The following NRG1 variants were observed in gnomAD, a reference collection of about 807,000 sequenced individuals.
NRG1 encodes neuregulin 1, also known as pro-neuregulin-1, membrane-bound isoform.
NRG1 carries 18 observed loss-of-function variants against 63.8 expected under a neutral mutation model. The ratio of observed to expected loss-of-function variants is 0.28; its 90% CI spans 0.19 to 0.42. The LOEUF is 0.42. NRG1 is among the 10% of genes least tolerant of loss of function. The pLI is 1.00. For synonymous variants in NRG1, 302 were observed against 301.3 expected, an observed-to-expected ratio of 1.00 and a Z score of -0.02; for missense variants, 762 against 814.7, an observed-to-expected ratio of 0.94 and a Z score of 0.79.
chr8:32,448,258 A>G (rs555602627), intron 1 of NRG1, among the ~76,000 whole-genome samples: 116 of 152,352 alleles, frequency 7.6e-4, no homozygotes, highest in Middle Eastern at 6.8e-3. Flanking sequence ...AGAAAACAGC[A>G]TAAACCACCA....
intron 1 of NRG1, among the ~76,000 whole-genome samples, chr8:32,259,872 C>T (rs529733000): frequency 4.8e-4 from 73 of 152,286 alleles, no homozygotes; most frequent in African/African-American, 1.7e-3. Flanking sequence ...CTCCTTTTCT[C>T]ATCAGCCTCT....
intron 1 of NRG1, among the ~76,000 whole-genome samples, chr8:32,070,478 T>A (rs184004441): frequency 2.6e-5 from 4 of 152,334 alleles, no homozygotes; most frequent in Admixed American, 2.6e-4. Flanking sequence ...AAATTTAGAC[T>A]CCTAGGAAAA....
chr8:31,904,573 A>C (rs866886961), intron 1 of NRG1, among the ~76,000 whole-genome samples: 1 of 152,224 alleles, frequency 6.6e-6, no homozygotes, highest in Admixed American at 6.5e-5. Flanking sequence ...AGACACACGC[A>C]TGCATATGTT....
intron 1 of NRG1, among the ~76,000 whole-genome samples, chr8:31,931,826 TG>T (rs767370605): frequency 2.5e-4 from 38 of 152,278 alleles, no homozygotes; most frequent in Admixed American, 7.8e-4. Context: ...TTTGCTCAGT[TG>T]ATCTTGTGAA....
At chr8:31,825,669 AGAG>A (rs1365922658) in intron 1 of NRG1, among the ~76,000 whole-genome samples, 6 of 152,174 alleles carry the variant, frequency 3.9e-5, no homozygotes, top group Non-Finnish European at 7.3e-5. Context: ...AGACAGGAAA[AGAG>A]GAGAGGAGAG....
intron 1 of NRG1, among the ~76,000 whole-genome samples, chr8:31,677,656 A>G (rs1033533489): frequency 6.6e-6 from 1 of 152,162 alleles, no homozygotes; most frequent in Non-Finnish European, 1.5e-5. Flanking sequence ...GTAAAATTTA[A>G]TGTATTGGAT....
chr8:32,125,851 G>T (rs905439398), intron 1 of NRG1, among the ~76,000 whole-genome samples: 4 of 151,636 alleles, frequency 2.6e-5, no homozygotes, highest in Non-Finnish European at 5.9e-5. Flanking sequence ...ACATTTTTTT[G>T]AAAAACCTTG....
intron 5 of NRG1, among the ~76,000 whole-genome samples, chr8:32,698,797 A>G (rs752319755): frequency 4.6e-5 from 7 of 152,212 alleles, no homozygotes; most frequent in Non-Finnish European, 7.3e-5. Context: ...AATTGAAACA[A>G]TAAAACCACC....
In NRG1 at chr8:31,717,627, A is replaced by G. The variant is rs145493783; in HGVS notation, c.37+78196A>G. Reference sequence around the variant, plus strand: ...CCCTAAGAATAAGCTGTATCATCCAATGCTATTTGCACAGAACTCACGGCT... The same window carrying G: ...CCCTAAGAATAAGCTGTATCATCCAGTGCTATTTGCACAGAACTCACGGCT... On this transcript the variant is annotated intron_variant, in intron 1 of 10. Coordinates refer to the NRG1 transcript ENST00000519301. 1.6e-3 allele frequency among the ~76,000 whole-genome samples: 248 copies of G among 152,232 alleles called. 1 individual carries two copies. The highest frequency in any genetic ancestry group is 5.6e-3 in the African/African-American group (231 of 41,554).
intron 8 of NRG1, among the ~76,000 whole-genome samples, chr8:32,755,171 T>G (rs963914905): frequency 6.6e-6 from 1 of 152,166 alleles, no homozygotes; most frequent in South Asian, 2.1e-4. Context: ...TAGAATAGAT[T>G]TGGGTTCCCT....
chr8:32,110,842 T>C (rs958357078), intron 1 of NRG1, among the ~76,000 whole-genome samples: 2 of 152,176 alleles, frequency 1.3e-5, no homozygotes, highest in Non-Finnish European at 2.9e-5. Context: ...TGAAGTAGAA[T>C]GATGCGGTTT....
intron 1 of NRG1, among the ~76,000 whole-genome samples, chr8:31,844,774 C>T (rs1207220495): frequency 6.6e-6 from 1 of 151,146 alleles, no homozygotes; most frequent in African/African-American, 2.4e-5. Flanking sequence ...CTGGTACATT[C>T]CAATGGCTTG....
At chr8:31,959,526 G>T (rs1413854860) in intron 1 of NRG1, among the ~76,000 whole-genome samples, 1 of 152,038 alleles carries the variant, frequency 6.6e-6, no homozygotes, top group Non-Finnish European at 1.5e-5. Flanking sequence ...ATAATCACAG[G>T]AGAACGTAAG....
chr8:31,846,132 T>A (rs2129608354), intron 1 of NRG1, among the ~76,000 whole-genome samples: 1 of 152,360 alleles, frequency 6.6e-6, no homozygotes, highest in East Asian at 1.9e-4. Context: ...GATAAGACCT[T>A]CTCACAGATT....
intron 1 of NRG1, among the ~76,000 whole-genome samples, chr8:32,567,133 T>C (rs4733359): frequency 0.58 from 88,727 of 152,120 alleles, 26,477 homozygotes; most frequent in East Asian, 0.85. Flanking sequence ...CCACTGCACC[T>C]GGCCAGTAGC....
At chr8:31,991,666 C>A (rs78131431) in intron 1 of NRG1, among the ~76,000 whole-genome samples, 2 of 152,006 alleles carry the variant, frequency 1.3e-5, no homozygotes, top group South Asian at 2.1e-4. Context: ...ACTCTTCCCT[C>A]TGCCATATCC....
chr8:32,725,776 T>C (rs140937269), intron 5 of NRG1, among the ~76,000 whole-genome samples: 302 of 152,018 alleles, frequency 2.0e-3, no homozygotes, highest in African/African-American at 7.0e-3. Flanking sequence ...ACCCAGCCCA[T>C]TTCCTGATAT....
intron 1 of NRG1, among the ~76,000 whole-genome samples, chr8:32,437,140 T>C (rs1470016327): frequency 6.6e-6 from 1 of 152,104 alleles, no homozygotes; most frequent in Non-Finnish European, 1.5e-5. Flanking sequence ...AGACTTGGAA[T>C]TTAAGTCTAG....
intron 1 of NRG1, among the ~76,000 whole-genome samples, chr8:32,274,389 G>A (rs982204818): frequency 3.9e-5 from 6 of 152,148 alleles, no homozygotes; most frequent in East Asian, 3.9e-4. Context: ...CGGGATAGGT[G>A]GAGAAAAGAT....
Sources: allele counts gnomAD v4.1 joint callset (sites outside exome capture counted in the v4.1 genomes callset), GRCh38; gene constraint gnomAD v4.1.1; transcripts MANE v1.5; gene names NCBI Gene and HGNC (gene_info 2026-07-23, HGNC 2026-07-21).